Variants in VRK2 observed in about 807,000 individuals in gnomAD.
VRK2 encodes the protein VRK serine/threonine kinase 2.
Under a neutral mutation model 57.6 loss-of-function variants are expected in VRK2, and 60 were observed. The ratio of observed to expected loss-of-function variants is 1.04; its 90% CI spans 0.85 to 1.29. The LOEUF (loss-of-function observed/expected upper bound fraction) is 1.29, where lower values mean the gene tolerates loss of function less well. VRK2 is among the 50% of genes most tolerant of loss of function. The pLI, the probability that VRK2 is intolerant of heterozygous loss-of-function variation, is 0.00. For missense variants in VRK2, 705 were observed against 588.1 expected, an observed-to-expected ratio of 1.20 and a Z score of -2.06; for synonymous variants, 231 against 199.2, an observed-to-expected ratio of 1.16 and a Z score of -1.35.
upstream of VRK2, among the ~76,000 whole-genome samples, chr2:58,044,799 T>C (rs759455374): frequency 1.3e-5 from 2 of 152,076 alleles, no homozygotes; most frequent in Non-Finnish European, 2.9e-5. Context: ...TAATAGGACA[T>C]TGGGGAGTGG....
At chr2:57,992,831 C>T (rs947062795) in intron 1 of VRK2, among the ~76,000 whole-genome samples, 1 of 152,204 alleles carries the variant, frequency 6.6e-6, no homozygotes, top group African/African-American at 2.4e-5. Context: ...CCACCGCGCC[C>T]GGCCAGTGTT....
chr2:58,022,179 T>A (rs917955741), intron 1 of VRK2, among the ~76,000 whole-genome samples: 1 of 152,242 alleles, frequency 6.6e-6, no homozygotes, highest in African/African-American at 2.4e-5. Context: ...CACAAAATAG[T>A]GTCAGTGCCT....
At position 57,991,030 on chromosome 2, in the gene VRK2, C is replaced by T. The variant is rs1672750219; in HGVS notation, c.-438-34635C>T. 2.6e-5 allele frequency among the ~76,000 whole-genome samples: 4 copies of T among 151,990 alleles called. No homozygotes were observed. The South Asian group carries it at 8.3e-4, about 31-fold the overall frequency. ...TACTTGAATATTCCAAAATTCACTT[C>T]CTGAAAGAGAATGTCAAGAATTGCT... On this transcript the variant is annotated intron_variant, in intron 1 of 15. Coordinates refer to the VRK2 transcript ENST00000417641.
At chr2:58,022,595 G>A (rs1673792430) in intron 1 of VRK2, among the ~76,000 whole-genome samples, 1 of 152,234 alleles carries the variant, frequency 6.6e-6, no homozygotes, top group African/African-American at 2.4e-5. Flanking sequence ...CATATACTGT[G>A]CTGCCCACGA....
Position 57,933,309 on chromosome 2 carries a change from C to CTTTTTTTTTTTTTTTTTTTTTTTTTT in VRK2, c.-439+25492_-439+25493insTTTTTTTTTTTTTTTTTTTTTTTTTT, listed in dbSNP as rs71394403. Among the ~76,000 whole-genome samples, 12 of 63,302 alleles carry CTTTTTTTTTTTTTTTTTTTTTTTTTT rather than the reference C, an allele frequency of 1.9e-4. 2 individuals carry two copies. The highest frequency in any genetic ancestry group is 6.9e-4 in the African/African-American group (9 of 13,080). The allele number at this position is 63,302 out of a possible 152,430, so 41.5% of individuals were successfully genotyped here. A position where few individuals can be genotyped will look rare whatever the true frequency, so the allele number is the denominator to read the frequency against. ...TGCTATTTCTTATTTCTTTCTTTTT[C>CTTTTTTTTTTTTTTTTTTTTTTTTTT]TTTTTTTTTTTTTTTTTTTTTTGAG... On this transcript the variant is annotated intron_variant, in intron 1 of 15. Coordinates refer to the VRK2 transcript ENST00000417641.
intron 1 of VRK2, among the ~76,000 whole-genome samples, chr2:57,995,323 A>G (rs138428908): frequency 6.7e-4 from 102 of 152,342 alleles, no homozygotes; most frequent in African/African-American, 2.4e-3. Flanking sequence ...ACATTGATTA[A>G]TATCACCACC....
intron 8 of VRK2, among the ~76,000 whole-genome samples, chr2:58,125,135 T>C (rs1020467255): frequency 3.3e-5 from 5 of 152,146 alleles, no homozygotes; most frequent in Non-Finnish European, 7.4e-5. Context: ...TTAATAATGA[T>C]ACCAACTTAT....
At chr2:58,100,475 A>T (rs894645116) in intron 7 of VRK2, among the ~76,000 whole-genome samples, 7 of 151,860 alleles carry the variant, frequency 4.6e-5, no homozygotes, top group African/African-American at 7.2e-5. Flanking sequence ...GATAGGGTTT[A>T]TGTGGATAGC....
Position 58,034,062 on chromosome 2 carries a change from A to G in VRK2, c.-6+509A>G, listed in dbSNP as rs1159284221. 3.3e-5 allele frequency among the ~76,000 whole-genome samples: 5 copies of G among 152,184 alleles called. No individual in the cohort carries two copies. In the East Asian group the frequency reaches 9.7e-4, roughly 29 times the overall value. On this transcript the variant is annotated intron_variant, in intron 3 of 15. Transcript: ENST00000417641. ...TCCTAGGTAGGTGCTTACAAATGTT[A>G]GTAACTACTTGCCACCTCTCACTAT...
intron 1 of VRK2, among the ~76,000 whole-genome samples, chr2:57,942,823 A>T (rs1671142439): frequency 6.6e-6 from 1 of 152,204 alleles, no homozygotes. Context: ...TTTACAGTCA[A>T]CCGATGCAGA....
At chr2:57,997,004 T>C (rs1672944588) in intron 1 of VRK2, among the ~76,000 whole-genome samples, 1 of 152,026 alleles carries the variant, frequency 6.6e-6, no homozygotes, top group Admixed American at 6.5e-5. Context: ...AAATGGCTAA[T>C]GTGTTGCTTA....
intron 1 of VRK2, among the ~76,000 whole-genome samples, chr2:57,954,571 A>C (rs1391102915): frequency 2.0e-5 from 3 of 152,096 alleles, no homozygotes; most frequent in Admixed American, 1.3e-4. Context: ...GAAATAAAAA[A>C]GTTCCTAAAA....
At chr2:58,060,771 A>G (rs911183130) in intron 2 of VRK2, among the ~76,000 whole-genome samples, 1 of 151,908 alleles carries the variant, frequency 6.6e-6, no homozygotes, top group Non-Finnish European at 1.5e-5. Flanking sequence ...TTTTAAACCT[A>G]AATTACAGAA....
intron 1 of VRK2, among the ~76,000 whole-genome samples, chr2:57,919,968 A>G (rs1670286143): frequency 6.6e-6 from 1 of 152,120 alleles, no homozygotes; most frequent in Non-Finnish European, 1.5e-5. Context: ...TATTCAAATT[A>G]GATAGTAATT....
At chr2:57,987,074 T>A (rs1226174084) in intron 1 of VRK2, among the ~76,000 whole-genome samples, 2 of 151,686 alleles carry the variant, frequency 1.3e-5, no homozygotes, top group African/African-American at 4.8e-5. Flanking sequence ...ATGACAGACA[T>A]AAAAGTAAAA....
Position 58,123,101 on chromosome 2 carries a change from G to A in VRK2, c.544G>A (p.Val182Ile). The A allele has an allele frequency of 6.3e-7, 1 of 1,597,580 alleles. No homozygotes were observed. Among genetic ancestry groups the A allele is most frequent in the South Asian group, 1.1e-5 (1 of 87,456 alleles). Residue 182 changes from valine to isoleucine, a missense_variant and splice_region_variant, in exon 8 of 13, where the codon GTT (valine) becomes ATT (isoleucine). Physicochemically the swap from Val to Ile is conservative, Grantham distance 29. Coordinates refer to ENST00000340157, the MANE Select transcript of VRK2 (RefSeq NM_006296.7). Reference sequence around the variant, plus strand: ...TCATTTGTCTGTGCTTGTCTTCCAGGTTTATCTTGCAGATTATGGACTTTC... The same window carrying A: ...TCATTTGTCTGTGCTTGTCTTCCAGATTTATCTTGCAGATTATGGACTTTC... ...LLLGYKNPDQ[V>I]YLADYGLSYR... is the part of the protein sequence containing the mutation.
intron 2 of VRK2, among the ~76,000 whole-genome samples, chr2:58,065,451 G>T (rs961793646): frequency 1.3e-5 from 2 of 152,096 alleles, no homozygotes; most frequent in African/African-American, 4.8e-5. Flanking sequence ...GTTGTTGTGT[G>T]TGTCAGCAGT....
At chr2:58,089,052 A>G (rs13430450) in intron 6 of VRK2, among the ~76,000 whole-genome samples, 12,703 of 152,260 alleles carry the variant, frequency 0.083, 560 homozygotes, top group South Asian at 0.14. Context: ...AGCAAATAGA[A>G]TGCATTAATT....
chr2:57,911,366 T>A (rs1669980497), intron 1 of VRK2, among the ~76,000 whole-genome samples: 1 of 152,132 alleles, frequency 6.6e-6, no homozygotes, highest in Non-Finnish European at 1.5e-5. Context: ...TACACCCTTT[T>A]TGGAGAGTCA....
Sources: allele counts gnomAD v4.1 joint callset (sites outside exome capture counted in the v4.1 genomes callset), GRCh38; gene constraint gnomAD v4.1.1; transcripts MANE v1.5; gene names NCBI Gene and HGNC (gene_info 2026-07-23, HGNC 2026-07-21).